The following CASK variants were observed in gnomAD, a reference collection of about 807,000 sequenced individuals.
CASK encodes peripheral plasma membrane protein CASK.
A neutral mutation model predicts 82.9 loss-of-function variants in CASK; 4 were observed. The observed-to-expected ratio is 0.05, with a 90% confidence interval of 0.02 to 0.11. The LOEUF is 0.11. CASK is among the 10% of genes least tolerant of loss of function. The probability of loss-of-function intolerance (pLI) is 1.00; values close to 1 mark genes in which losing one functional copy is unlikely to be tolerated. For missense variants in CASK, 358 were observed against 720.9 expected (o/e 0.50, Z 5.76); for synonymous variants, 259 against 253.5 (o/e 1.02, Z -0.20).
intron 3 of CASK, among the ~76,000 whole-genome samples, chrX:41,781,494 T>G (rs1400536118): frequency 1.8e-5 from 2 of 112,179 alleles, no homozygotes; most frequent in East Asian, 5.5e-4. Flanking sequence ...TTTTATTTTA[T>G]TTTTTTGCCT....
intron 5 of CASK, chrX:41,727,651 T>C (rs766277398): frequency 5.0e-6 from 6 of 1,208,186 alleles, no homozygotes; most frequent in Non-Finnish European, 6.7e-6. Flanking sequence ...TGGAACCACA[T>C]TTATTGGATT....
chrX:41,749,084 C>T (rs1363888290), intron 3 of CASK, among the ~76,000 whole-genome samples: 1 of 110,268 alleles, frequency 9.1e-6, no homozygotes, highest in Non-Finnish European at 1.9e-5. Context: ...CAGGAGTTCG[C>T]GACCAGCCTG....
At chrX:41,727,824 T>C (rs1220851038) in intron 5 of CASK, 1 of 1,191,021 alleles carries the variant, frequency 8.4e-7, no homozygotes, top group Non-Finnish European at 1.1e-6. Flanking sequence ...TTCCTTATAG[T>C]ATTTTTAAAC....
intron 16 of CASK, among the ~76,000 whole-genome samples, chrX:41,565,576 A>C (rs758907520): frequency 6.3e-5 from 7 of 111,679 alleles, no homozygotes; most frequent in Non-Finnish European, 9.4e-5. Context: ...ACAGGCCGTG[A>C]AATTGAGGCA....
chrX:41,545,953 C>T (rs1469363800), intron 21 of CASK, among the ~76,000 whole-genome samples: 1 of 108,934 alleles, frequency 9.2e-6, no homozygotes, highest in African/African-American at 3.4e-5. Flanking sequence ...TCCTAAGTAG[C>T]GGACTACAGG....
intron 5 of CASK, among the ~76,000 whole-genome samples, chrX:41,707,915 C>T (rs749822391): frequency 1.8e-5 from 2 of 111,045 alleles, no homozygotes; most frequent in African/African-American, 3.3e-5. Flanking sequence ...GTCAGGAGAT[C>T]GAGACCATCC....
chrX:41,820,779 A>G (rs2070519753), intron 2 of CASK, among the ~76,000 whole-genome samples: 1 of 111,404 alleles, frequency 9.0e-6, no homozygotes, highest in Non-Finnish European at 1.9e-5. Context: ...ATCTGATATA[A>G]GGATAGACAT....
intron 11 of CASK, among the ~76,000 whole-genome samples, chrX:41,616,810 T>C (rs1254037008): frequency 1.6e-4 from 18 of 111,601 alleles, no homozygotes; most frequent in Non-Finnish European, 3.8e-5. Flanking sequence ...GGTTTCACCA[T>C]GTTGGCCAGG....
rs146564851 is a variant in CASK, at chrX:41,721,856, A to G, written c.429+17528T>C. Among the ~76,000 whole-genome samples the G allele has an allele frequency of 2.4e-3, 269 of 111,791 alleles. 2 individuals are homozygous for G. The highest frequency in any genetic ancestry group is 8.4e-3 in the African/African-American group (258 of 30,753). On this transcript the variant is annotated intron_variant, in intron 5 of 26. Coordinates refer to ENST00000378163, the MANE Select transcript of CASK (RefSeq NM_001367721.1). The stretch of plus-strand genomic sequence containing the variant: ...CTCTTTCCTTCCATTTGCTTTCACA[A>G]AGCCTTTCAGAACCACTTTGAGTCA...
intron 5 of CASK, among the ~76,000 whole-genome samples, chrX:41,737,208 G>A (rs1018626613): frequency 9.0e-6 from 1 of 111,552 alleles, no homozygotes; most frequent in African/African-American, 3.3e-5. Flanking sequence ...ATGAGAGACC[G>A]CAAAGAGCGC....
chrX:41,921,531 T>C lies in CASK; in HGVS notation c.59+1399A>G, dbSNP rs146377206. Among the ~76,000 whole-genome samples the C allele has an allele frequency of 3.4e-3, 382 of 111,928 alleles. 2 individuals carry two copies. Among genetic ancestry groups the C allele is most frequent in the African/African-American group, 0.012 (364 of 30,759 alleles). On this transcript the variant is annotated intron_variant, in intron 1 of 26. Transcript: ENST00000378163. ...ACAAATGTGGCTCATAATATATCTT[T>C]TGGACAGTGCTGTTCTAGAACACTT...
intron 1 of CASK, among the ~76,000 whole-genome samples, chrX:41,901,604 G>T (rs1011631323): frequency 2.7e-5 from 3 of 111,817 alleles, no homozygotes; most frequent in Admixed American, 9.4e-5. Context: ...TGTCTGGCAG[G>T]GGGGCTTGCT....
At chrX:41,769,561 T>C (rs773911321) in intron 3 of CASK, among the ~76,000 whole-genome samples, 1 of 110,906 alleles carries the variant, frequency 9.0e-6, no homozygotes, top group Non-Finnish European at 1.9e-5. Context: ...CGGCTTTACA[T>C]CTAGGTGGCA....
chrX:41,867,882 G>A (rs1365072691), intron 1 of CASK, among the ~76,000 whole-genome samples: 1 of 112,151 alleles, frequency 8.9e-6, no homozygotes, highest in African/African-American at 3.2e-5. Flanking sequence ...AAAAATTTCA[G>A]TTTGTATGAT....
chrX:41,547,872 C>T (rs1340997672), intron 21 of CASK, among the ~76,000 whole-genome samples: 1 of 112,098 alleles, frequency 8.9e-6, no homozygotes, highest in African/African-American at 3.2e-5. Context: ...ATCCGCCTGC[C>T]TCGGCCTCCC....
chrX:41,746,310 C>T (rs2068686927), intron 3 of CASK, among the ~76,000 whole-genome samples: 1 of 111,037 alleles, frequency 9.0e-6, no homozygotes, highest in African/African-American at 3.3e-5. Context: ...ATTATCACTC[C>T]CTGAGTACAC....
intron 2 of CASK, among the ~76,000 whole-genome samples, chrX:41,835,933 T>C (rs747084713): frequency 3.6e-5 from 4 of 111,967 alleles, no homozygotes; most frequent in Admixed American, 1.9e-4. Flanking sequence ...TCATTGTAAA[T>C]AGTTATCCAG....
rs1161128534 is a variant in CASK, at chrX:41,923,018, G to A, written c.-30C>T. ...CGGAGGGGATAGCGGCCGCAGCGTG[G>A]AGGGCTTCGAAAACGGGGGTGGGGG... On this transcript the variant is annotated 5_prime_UTR_variant, in exon 1 of 27. Coordinates refer to ENST00000378163, the MANE Select transcript of CASK (RefSeq NM_001367721.1). 3.3e-6 allele frequency: 4 copies of A among 1,195,207 alleles called. No homozygotes were observed. In the Admixed American group the frequency reaches 6.5e-5, roughly 19 times the overall value.
chrX:41,847,319 A>G (rs1021200458), intron 2 of CASK, among the ~76,000 whole-genome samples: 3 of 111,697 alleles, frequency 2.7e-5, no homozygotes, highest in African/African-American at 9.8e-5. Flanking sequence ...TCAGTTCTGA[A>G]GACCAGATAA....
Sources: gnomAD v4.1 joint callset for allele counts (sites outside exome capture counted in the v4.1 genomes callset) on GRCh38, gnomAD v4.1.1 for gene constraint, MANE v1.5 for transcripts, NCBI Gene and HGNC (gene_info 2026-07-23, HGNC 2026-07-21) for gene names.